Variants in GLIS3 observed in about 807,000 individuals in gnomAD.
The protein encoded by GLIS3 is GLIS family zinc finger 3, also known as zinc finger protein GLIS3.
In GLIS3, 53 loss-of-function variants were observed where a neutral mutation model predicts 78.6. The observed-to-expected ratio is 0.67, with a 90% CI of 0.54 to 0.85. GLIS3 has a LOEUF of 0.85. Among genes scored for constraint, GLIS3 ranks in the 40% least tolerant of loss-of-function variants. The pLI, the probability that GLIS3 is intolerant of heterozygous loss-of-function variation, is 0.00. For missense variants in GLIS3, 1,703 were observed against 1,231.1 expected, an observed-to-expected ratio of 1.38 and a Z score of -5.74; for synonymous variants, 684 against 509.9, an observed-to-expected ratio of 1.34 and a Z score of -4.60.
chr9:4,412,705 C>G, the GLIS3 span, among the ~76,000 whole-genome samples: 740 of 152,250 alleles, frequency 4.9e-3, 6 homozygotes, highest in African/African-American at 0.016. Context: ...CTTCCTGGGC[C>G]AGTAACTAGT....
chr9:4,390,792 C>T, the GLIS3 span, among the ~76,000 whole-genome samples: 4 of 152,182 alleles, frequency 2.6e-5, no homozygotes, highest in African/African-American at 9.7e-5. Flanking sequence ...TAACTTTCTA[C>T]CTTCCTTGGA....
chr9:4,093,896 C>T (rs1490243255), intron 4 of GLIS3, among the ~76,000 whole-genome samples: 1 of 152,198 alleles, frequency 6.6e-6, no homozygotes, highest in African/African-American at 2.4e-5. Flanking sequence ...TGAGGTCTCA[C>T]CTTATAATAC....
intron 2 of GLIS3, among the ~76,000 whole-genome samples, chr9:4,261,009 T>C (rs1233935794): frequency 6.6e-6 from 1 of 152,208 alleles, no homozygotes; most frequent in Admixed American, 6.5e-5. Flanking sequence ...TAATTATATT[T>C]CTACAGGTCA....
At position 3,902,450 on chromosome 9, in the gene GLIS3, A is replaced by G. The variant is rs112843056; in HGVS notation, c.1984-3615T>C. Among the ~76,000 whole-genome samples the G allele has an allele frequency of 2.7e-3, 411 of 152,354 alleles. 5 individuals carry two copies. The highest frequency in any genetic ancestry group is 9.7e-3 in the African/African-American group (405 of 41,580). On this transcript the variant is annotated intron_variant, in intron 6 of 10. Transcript: ENST00000381971. ...GTGTCTTTCAATGTAACATAGTTTT[A>G]TATTTGGAATAAGAAGCCCAACTAT...
At chr9:4,045,229 C>T (rs529619258) in intron 4 of GLIS3, among the ~76,000 whole-genome samples, 13 of 152,278 alleles carry the variant, frequency 8.5e-5, no homozygotes, top group African/African-American at 2.2e-4. Flanking sequence ...TACTTGAAGA[C>T]GGTCCCCTTG....
At chr9:4,200,821 T>C (rs1042269837) in intron 2 of GLIS3, among the ~76,000 whole-genome samples, 1 of 152,170 alleles carries the variant, frequency 6.6e-6, no homozygotes, top group Non-Finnish European at 1.5e-5. Context: ...GAACGACTCC[T>C]GCCTAACTCG....
intron 8 of GLIS3, among the ~76,000 whole-genome samples, chr9:3,862,109 T>C (rs777490790): frequency 2.4e-4 from 37 of 152,132 alleles, no homozygotes; most frequent in Non-Finnish European, 4.9e-4. Flanking sequence ...TAGAATGTTT[T>C]AGTTGGAAAG....
intron 4 of GLIS3, among the ~76,000 whole-genome samples, chr9:3,983,168 G>A (rs548225246): frequency 6.6e-6 from 1 of 152,164 alleles, no homozygotes; most frequent in African/African-American, 2.4e-5. Context: ...TCTTGATAGT[G>A]AATGAGTCTC....
chr9:4,322,663 G>C (rs1817551708), intron 2 of GLIS3, among the ~76,000 whole-genome samples: 1 of 152,198 alleles, frequency 6.6e-6, no homozygotes, highest in African/African-American at 2.4e-5. Flanking sequence ...GATGACCAGT[G>C]ATGATGAGCA....
the GLIS3 span, among the ~76,000 whole-genome samples, chr9:4,353,553 G>A: frequency 1.3e-5 from 2 of 152,126 alleles, no homozygotes; most frequent in Non-Finnish European, 2.9e-5. Flanking sequence ...CTTGTGTGTT[G>A]ACAGCAAAAC....
chr9:3,828,509 G>A (rs747931832), intron 10 of GLIS3, 101 bp from the exon 11 acceptor site: 51 of 1,469,828 alleles, frequency 3.5e-5, no homozygotes, highest in Non-Finnish European at 4.7e-5. Flanking sequence ...AGGACTGGGG[G>A]CTAAGGAGGC....
the GLIS3 span, among the ~76,000 whole-genome samples, chr9:4,373,565 G>A: frequency 5.9e-5 from 9 of 152,030 alleles, no homozygotes; most frequent in African/African-American, 1.5e-4. Flanking sequence ...TAAATACGAT[G>A]CAAACTCCCT....
Position 4,118,317 on chromosome 9 carries a change from G to T in GLIS3, c.1161C>A (p.Asp387Glu). 1 of 1,573,818 alleles carries T rather than the reference G, an allele frequency of 6.4e-7. No homozygotes were observed. Among genetic ancestry groups the T allele is most frequent in the Non-Finnish European group, 8.6e-7 (1 of 1,162,522 alleles). Residue 387 changes from aspartate (D) to glutamate (E), a missense_variant, in exon 4 of 11, where the codon GAC becomes GAA. Transcript: ENST00000381971. The surrounding 1 kb of genome is among the most constrained non-coding windows in gnomAD (Gnocchi z 4.7). Reference sequence around the variant, plus strand: ...GCATGCGCTCGTGCTCCAGGGCCCCGTCCTCGCCGTAGGCCGGCAGCGCCA... The same window carrying T: ...GCATGCGCTCGTGCTCCAGGGCCCCTTCCTCGCCGTAGGCCGGCAGCGCCA... ...GGLALPAYGEDGALEHERMQQ... is the reference protein window; with the variant it reads ...GGLALPAYGEEGALEHERMQQ...
At chr9:4,411,076 T>C in the GLIS3 span, among the ~76,000 whole-genome samples, 4 of 152,160 alleles carry the variant, frequency 2.6e-5, no homozygotes, top group Admixed American at 6.5e-5. Flanking sequence ...ACTATTACAA[T>C]TCATTTAAAT....
chr9:4,288,364 C>T (rs1365264892), intron 1 of GLIS3, among the ~76,000 whole-genome samples: 1 of 152,146 alleles, frequency 6.6e-6, no homozygotes, highest in African/African-American at 2.4e-5. Flanking sequence ...GTCACATTGG[C>T]AACTTTTTTA....
chr9:4,214,870 G>A (rs1820681895), intron 2 of GLIS3, among the ~76,000 whole-genome samples: 1 of 152,124 alleles, frequency 6.6e-6, no homozygotes, highest in Non-Finnish European at 1.5e-5. Flanking sequence ...CTGGTCAATG[G>A]CATATAACTT....
intron 2 of GLIS3, among the ~76,000 whole-genome samples, chr9:4,273,753 C>G (rs1445979154): frequency 6.6e-6 from 1 of 152,156 alleles, no homozygotes; most frequent in Non-Finnish European, 1.5e-5. Context: ...AAAAGTCAAT[C>G]CACATAACTC....
chr9:4,374,802 ACCGT>A, the GLIS3 span, among the ~76,000 whole-genome samples: 2 of 152,250 alleles, frequency 1.3e-5, no homozygotes, highest in Admixed American at 1.3e-4. Flanking sequence ...GGAGAGAACC[ACCGT>A]CACTTATTTA....
chr9:4,176,432 T>C (rs949647455), intron 2 of GLIS3, among the ~76,000 whole-genome samples: 1 of 152,236 alleles, frequency 6.6e-6, no homozygotes, highest in Non-Finnish European at 1.5e-5. Context: ...CATCTAGTTG[T>C]ACTTTAAAAT....
Sources: gnomAD v4.1 joint callset for allele counts (sites outside exome capture counted in the v4.1 genomes callset) on GRCh38, gnomAD v4.1.1 for gene constraint, Gnocchi (gnomAD v3.1) non-coding constraint, MANE v1.5 for transcripts, NCBI Gene and HGNC (gene_info 2026-07-23, HGNC 2026-07-21) for gene names.